The following PCDHGA5 variants were observed in gnomAD, a reference collection of about 807,000 sequenced individuals.
PCDHGA5 encodes protocadherin gamma subfamily A, 5, also known as protocadherin gamma-A5.
A neutral mutation model predicts 56.7 loss-of-function variants in PCDHGA5; 36 were observed. That is an observed-to-expected ratio of 0.64 (90% CI 0.49 to 0.84). The LOEUF is 0.84. PCDHGA5 is among the 40% of genes least tolerant of loss of function. The probability of loss-of-function intolerance (pLI) is 0.00; values close to 1 mark genes in which losing one functional copy is unlikely to be tolerated. For synonymous variants in PCDHGA5, 563 were observed against 520.2 expected, an observed-to-expected ratio of 1.08 and a Z score of -1.12; for missense variants, 1,305 against 1,201.5, an observed-to-expected ratio of 1.09 and a Z score of -1.27.
intron 1 of PCDHGA5, among the ~76,000 whole-genome samples, chr5:141,480,272 G>T (rs903112862): frequency 7.2e-6 from 1 of 138,796 alleles, no homozygotes; most frequent in Non-Finnish European, 1.5e-5. Flanking sequence ...TTCATTAGCT[G>T]GGTGTGTTGG....
intron 1 of PCDHGA5, among the ~76,000 whole-genome samples, chr5:141,380,946 CAAG>C (rs1776880026): frequency 6.6e-6 from 1 of 152,210 alleles, no homozygotes; most frequent in African/African-American, 2.4e-5. Flanking sequence ...CTTGCCTCAA[CAAG>C]AAGTTCAAAA....
intron 1 of PCDHGA5, among the ~76,000 whole-genome samples, chr5:141,455,803 A>G (rs1197986124): frequency 6.6e-6 from 1 of 152,068 alleles, no homozygotes; most frequent in Non-Finnish European, 1.5e-5. Context: ...TGCTTTAAAA[A>G]ATGAAAACTT....
intron 1 of PCDHGA5, chr5:141,375,888 C>T (rs1049224011): frequency 6.2e-7 from 1 of 1,613,700 alleles, no homozygotes; most frequent in Non-Finnish European, 8.5e-7. Flanking sequence ...GGCCAGAACG[C>T]CTGGCTGTCC....
At chr5:141,403,772 A>G in intron 1 of PCDHGA5, 1 of 1,613,960 alleles carries the variant, frequency 6.2e-7, no homozygotes, top group Middle Eastern at 1.7e-4. Flanking sequence ...TGAGGGAATC[A>G]ACGGAAAAGT....
Position 141,476,021 on chromosome 5 carries a change from C to T in PCDHGA5, c.2422-18786C>T. The T allele has an allele frequency of 7.1e-7, 1 of 1,400,498 alleles. No individual in the cohort carries two copies. The highest frequency in any genetic ancestry group is 1.4e-5 in the South Asian group (1 of 71,458). 86.8% of individuals were successfully genotyped at this position (1,400,498 alleles called of 1,614,324 possible). A position where few individuals can be genotyped will look rare whatever the true frequency, so the allele number is the denominator to read the frequency against. ...GGCATCCAGAAAGCCATGTCGGACT[C>T]GGCGCCCAGCGCCCAAGCGCTAACC... On this transcript the variant is annotated intron_variant, in intron 1 of 3. Coordinates refer to ENST00000518069, the MANE Select transcript of PCDHGA5 (RefSeq NM_018918.3). This position sits in a 1 kb window ranked among gnomAD's most constrained non-coding sequence, Gnocchi z 7.6.
At chr5:141,371,321 T>C (rs1767663616) in intron 1 of PCDHGA5, 4 of 1,613,816 alleles carry the variant, frequency 2.5e-6, no homozygotes, top group Non-Finnish European at 3.4e-6. Context: ...AACTGGACTT[T>C]GAAGAGAGAG....
At chr5:141,415,589 T>A in intron 1 of PCDHGA5, 1 of 1,614,062 alleles carries the variant, frequency 6.2e-7, no homozygotes, top group East Asian at 2.2e-5. Flanking sequence ...AAGTTTCCTA[T>A]AGAGGATACC....
At chr5:141,420,029 G>T (rs1382842280) in intron 1 of PCDHGA5, 2 of 1,614,082 alleles carry the variant, frequency 1.2e-6, no homozygotes, top group Non-Finnish European at 1.7e-6. Flanking sequence ...CCCTACTGCA[G>T]GAGACTGCTT....
intron 1 of PCDHGA5, chr5:141,426,739 GC>G (rs1345744337): frequency 8.8e-6 from 4 of 453,408 alleles, no homozygotes; most frequent in Non-Finnish European, 1.8e-5. Flanking sequence ...ATTCGGTTTG[GC>G]CTGGAATCTG....
In PCDHGA5 at chr5:141,364,357, C is replaced by A; in HGVS notation, c.27C>A (p.Gly9=). The A allele has an allele frequency of 1.3e-6, 2 of 1,556,048 alleles. No homozygotes were observed. The highest frequency in any genetic ancestry group is 1.2e-5 in the South Asian group (1 of 80,888). Residue 9 remains glycine, a synonymous_variant, in exon 1 of 4, where the codon GGC becomes GGA. Coordinates refer to ENST00000518069, the MANE Select transcript of PCDHGA5 (RefSeq NM_018918.3). ...TGGCGAGTCCACCTAGGGGCTGGGG[C>A]TGCGGAGAGCTGCTGCTGCCCTTCA... MASPPRGW[G]CGELLLPFML...
intron 1 of PCDHGA5, chr5:141,372,062 C>A (rs1768364404): frequency 1.2e-6 from 2 of 1,613,470 alleles, no homozygotes; most frequent in Non-Finnish European, 1.7e-6. Flanking sequence ...ACGACCGCAA[C>A]GACAATGCAC....
intron 2 of PCDHGA5, among the ~76,000 whole-genome samples, chr5:141,497,643 G>A (rs773129390): frequency 6.6e-6 from 1 of 151,192 alleles, no homozygotes; most frequent in African/African-American, 2.4e-5. Context: ...AGGTTCAAGC[G>A]ATTCTCCTGC....
chr5:141,487,196 G>A lies in PCDHGA5; in HGVS notation c.2422-7611G>A. On this transcript the variant is annotated intron_variant, in intron 1 of 3. Coordinates refer to ENST00000518069, the MANE Select transcript of PCDHGA5 (RefSeq NM_018918.3). This position sits in a 1 kb window ranked among gnomAD's most constrained non-coding sequence, Gnocchi z 5.0. Reference sequence around the variant, plus strand: ...GGAAGACACTCATCCAGTTGTCCCAGATCTTCGAGAATCTTCAGCTCCAAG... The same window carrying A: ...GGAAGACACTCATCCAGTTGTCCCAAATCTTCGAGAATCTTCAGCTCCAAG... The A allele has an allele frequency of 1.2e-6, 2 of 1,613,878 alleles. No homozygotes were observed. The highest frequency in any genetic ancestry group is 8.5e-7 in the Non-Finnish European group (1 of 1,179,796).
At chr5:141,375,427 C>T in intron 1 of PCDHGA5, 2 of 1,613,978 alleles carry the variant, frequency 1.2e-6, no homozygotes, top group Non-Finnish European at 1.7e-6. Flanking sequence ...CCAACGACAA[C>T]CCGCCCACCT....
chr5:141,399,469 T>G, intron 1 of PCDHGA5: 1 of 1,614,000 alleles, frequency 6.2e-7, no homozygotes. Flanking sequence ...CGCTCCGGTT[T>G]TCCACCAGGC....
intron 1 of PCDHGA5, chr5:141,376,220 G>A: frequency 6.2e-7 from 1 of 1,614,202 alleles, no homozygotes; most frequent in Non-Finnish European, 8.5e-7. Context: ...CGTGCTGCTG[G>A]CGCTCAGACT....
chr5:141,381,257 C>G (rs1284591781), intron 1 of PCDHGA5, among the ~76,000 whole-genome samples: 1 of 152,248 alleles, frequency 6.6e-6, no homozygotes, highest in Non-Finnish European at 1.5e-5. Flanking sequence ...GAAGAATTTA[C>G]AAACCAAGAC....
chr5:141,410,032 G>C (rs1395086834), intron 1 of PCDHGA5: 5 of 1,613,162 alleles, frequency 3.1e-6, no homozygotes, highest in African/African-American at 1.3e-5. Flanking sequence ...ACGTGCTGCA[G>C]GCCAGTGAGC....
At chr5:141,423,427 G>T (rs2096739583) in intron 1 of PCDHGA5, 1 of 1,613,892 alleles carries the variant, frequency 6.2e-7, no homozygotes, top group Non-Finnish European at 8.5e-7. Flanking sequence ...AGGCGGGTTG[G>T]CAGGTATGCC....
Sources: allele counts gnomAD v4.1 joint callset (sites outside exome capture counted in the v4.1 genomes callset), GRCh38; gene constraint gnomAD v4.1.1; non-coding constraint Gnocchi (gnomAD v3.1); transcripts MANE v1.5; gene names NCBI Gene and HGNC (gene_info 2026-07-23, HGNC 2026-07-21).